ERC2: variants seen among roughly 807,000 people sequenced by gnomAD.
ERC2 encodes ERC protein 2.
Under a neutral mutation model 114.8 loss-of-function variants are expected in ERC2, and 42 were observed. The observed-to-expected ratio is 0.37, with a 90% confidence interval of 0.29 to 0.47. ERC2 has a LOEUF of 0.47. Among genes scored for constraint, ERC2 ranks in the 20% least tolerant of loss-of-function variants. The pLI, the probability that ERC2 is intolerant of heterozygous loss-of-function variation, is 0.99. For missense variants in ERC2, 939 were observed against 1,150.7 expected (o/e 0.82, Z 2.66); for synonymous variants, 454 against 425.5 (o/e 1.07, Z -0.82).
At chr3:55,887,557 TA>T (rs2063406387) in intron 14 of ERC2, among the ~76,000 whole-genome samples, 1 of 152,240 alleles carries the variant, frequency 6.6e-6, no homozygotes, top group South Asian at 2.1e-4. Context: ...TGATTTCATT[TA>T]AAAACATAGA....
At chr3:56,306,350 A>G (rs912509223) in intron 2 of ERC2, among the ~76,000 whole-genome samples, 4 of 152,204 alleles carry the variant, frequency 2.6e-5, no homozygotes, top group Non-Finnish European at 4.4e-5. Context: ...AATAGCAAAA[A>G]CTAGAAATAG....
chr3:56,342,643 T>C (rs1231312568), intron 2 of ERC2, among the ~76,000 whole-genome samples: 3 of 152,136 alleles, frequency 2.0e-5, no homozygotes, highest in Admixed American at 6.5e-5. Flanking sequence ...GACTAACACT[T>C]CAGTAGGGAA....
At chr3:56,140,482 A>G (rs947685035) in intron 5 of ERC2, among the ~76,000 whole-genome samples, 2 of 152,184 alleles carry the variant, frequency 1.3e-5, no homozygotes, top group Non-Finnish European at 2.9e-5. Context: ...TGAAGATTAA[A>G]TCACAATGTT....
chr3:56,035,908 G>GA (rs781674214), intron 7 of ERC2, among the ~76,000 whole-genome samples: 26 of 150,840 alleles, frequency 1.7e-4, no homozygotes, highest in African/African-American at 5.4e-4. Flanking sequence ...AATACTACGA[G>GA]AAAAAAAAAT....
At chr3:56,257,714 CT>C (rs1487643868) in intron 3 of ERC2, among the ~76,000 whole-genome samples, 1 of 152,144 alleles carries the variant, frequency 6.6e-6, no homozygotes, top group Non-Finnish European at 1.5e-5. Context: ...GTCATATTTT[CT>C]TTTTTTAAAT....
intron 14 of ERC2, among the ~76,000 whole-genome samples, chr3:55,794,554 G>C (rs959593804): frequency 2.0e-5 from 3 of 152,166 alleles, no homozygotes; most frequent in African/African-American, 7.2e-5. Context: ...TCTCATAAAA[G>C]TAAAAAATAC....
chr3:55,922,861 C>G (rs983294262), intron 13 of ERC2, among the ~76,000 whole-genome samples: 19 of 152,122 alleles, frequency 1.2e-4, no homozygotes, highest in African/African-American at 4.6e-4. Flanking sequence ...AATAAAACCA[C>G]AGTGAGATGG....
intron 3 of ERC2, among the ~76,000 whole-genome samples, chr3:56,252,144 A>G (rs2052203232): frequency 6.6e-6 from 1 of 152,194 alleles, no homozygotes; most frequent in Non-Finnish European, 1.5e-5. Context: ...TGGAGGCTTC[A>G]TGCTAAGTGC....
chr3:55,855,430 A>T (rs527639094), intron 14 of ERC2, among the ~76,000 whole-genome samples: 2 of 152,384 alleles, frequency 1.3e-5, no homozygotes, highest in South Asian at 4.1e-4. Flanking sequence ...ACTTCCAAGA[A>T]AAGTACATTC....
At chr3:55,801,364 A>T (rs1049484622) in intron 14 of ERC2, among the ~76,000 whole-genome samples, 7 of 152,122 alleles carry the variant, frequency 4.6e-5, no homozygotes, top group Admixed American at 3.3e-4. Context: ...TTATAAGAAT[A>T]TTTTCTGGTA....
chr3:56,033,953 T>C (rs537086429), intron 7 of ERC2, among the ~76,000 whole-genome samples: 2 of 152,224 alleles, frequency 1.3e-5, no homozygotes, highest in South Asian at 2.1e-4. Context: ...TCCTTACCTA[T>C]AAATAATCAG....
intron 14 of ERC2, among the ~76,000 whole-genome samples, chr3:55,822,042 C>A (rs981710691): frequency 1.5e-4 from 22 of 151,396 alleles, no homozygotes; most frequent in African/African-American, 5.3e-4. Flanking sequence ...ATTTTTTTTT[C>A]TTTTTCTGAG....
chr3:56,380,870 C>A (rs2059722606), intron 2 of ERC2, among the ~76,000 whole-genome samples: 1 of 152,176 alleles, frequency 6.6e-6, no homozygotes, highest in South Asian at 2.1e-4. Context: ...GCCTGTTAAA[C>A]AATTCAAAAT....
chr3:56,156,456 C>G (rs1233414611), intron 4 of ERC2, among the ~76,000 whole-genome samples: 3 of 152,094 alleles, frequency 2.0e-5, no homozygotes, highest in Admixed American at 6.6e-5. Context: ...AGACGGACAC[C>G]TCCTGAAGCA....
At chr3:55,865,164 C>T (rs941191525) in intron 14 of ERC2, among the ~76,000 whole-genome samples, 3 of 152,166 alleles carry the variant, frequency 2.0e-5, no homozygotes, top group Non-Finnish European at 4.4e-5. Context: ...ATAATCTTCT[C>T]TACCTACTTT....
At chr3:55,758,456 C>T (rs867363500) in intron 14 of ERC2, among the ~76,000 whole-genome samples, 9 of 152,170 alleles carry the variant, frequency 5.9e-5, no homozygotes, top group South Asian at 2.1e-4. Flanking sequence ...TCTTCTCTGA[C>T]GGGTATCACC....
chr3:56,007,381 A>T, intron 9 of ERC2, 60 bp from the exon 10 acceptor site: 3 of 1,416,012 alleles, frequency 2.1e-6, no homozygotes, highest in Non-Finnish European at 2.9e-6. Flanking sequence ...AATGCCTTCA[A>T]TTTGAACACA....
chr3:56,335,214 C>A (rs2057795104), intron 2 of ERC2, among the ~76,000 whole-genome samples: 1 of 152,190 alleles, frequency 6.6e-6, no homozygotes, highest in Non-Finnish European at 1.5e-5. Flanking sequence ...TTCTCAAAGG[C>A]TGGTGGATAT....
At chr3:55,912,619 C>T (rs2064872279) in intron 13 of ERC2, among the ~76,000 whole-genome samples, 1 of 152,066 alleles carries the variant, frequency 6.6e-6, no homozygotes, top group Admixed American at 6.6e-5. Context: ...TGTACATATA[C>T]ACATATTTGT....
Sources: gnomAD v4.1 joint callset for allele counts (sites outside exome capture counted in the v4.1 genomes callset) on GRCh38, gnomAD v4.1.1 for gene constraint, MANE v1.5 for transcripts, NCBI Gene and HGNC (gene_info 2026-07-23, HGNC 2026-07-21) for gene names.